The following EVI5 variants were observed in gnomAD, a reference collection of about 807,000 sequenced individuals.
The protein encoded by EVI5 is ecotropic viral integration site 5, also known as ecotropic viral integration site 5 protein homolog.
Under a neutral mutation model 112.0 loss-of-function variants are expected in EVI5, and 73 were observed. The observed-to-expected ratio is 0.65, with a 90% CI of 0.54 to 0.79. EVI5 has a LOEUF of 0.79. EVI5 is among the 30% of genes least tolerant of loss of function. The probability of loss-of-function intolerance (pLI) is 0.00; values close to 1 mark genes in which losing one functional copy is unlikely to be tolerated. For synonymous variants in EVI5, 305 were observed against 319.9 expected (o/e 0.95, Z 0.50); for missense variants, 900 against 968.8 (o/e 0.93, Z 0.94).
At chr1:92,683,893 G>A (rs1013620165) in intron 9 of EVI5, among the ~76,000 whole-genome samples, 1 of 152,130 alleles carries the variant, frequency 6.6e-6, no homozygotes, top group African/African-American at 2.4e-5. Flanking sequence ...CAAGAAATAT[G>A]GGAGTATGTG....
At chr1:92,643,922 AG>A (rs769624815) in intron 13 of EVI5, among the ~76,000 whole-genome samples, 9 of 31,140 alleles carry the variant, frequency 2.9e-4, no homozygotes, top group Admixed American at 9.2e-4. Flanking sequence ...AAAGAAAAAA[AG>A]AGAAAGATTC....
chr1:92,632,008 C>G (rs185060295), intron 14 of EVI5, among the ~76,000 whole-genome samples: 387 of 151,154 alleles, frequency 2.6e-3, no homozygotes, highest in Non-Finnish European at 3.1e-3. Context: ...GTTGAACCAG[C>G]CTTGCATCCC....
At chr1:92,549,524 T>C (rs1666413611) in intron 19 of EVI5, among the ~76,000 whole-genome samples, 1 of 151,818 alleles carries the variant, frequency 6.6e-6, no homozygotes, top group African/African-American at 2.4e-5. Flanking sequence ...AAAGAGCTTC[T>C]GCACAGCAAA....
intron 8 of EVI5, 46 bp from the exon 9 acceptor site, chr1:92,693,945 T>C (rs1274748828): frequency 8.9e-7 from 1 of 1,127,952 alleles, no homozygotes; most frequent in Admixed American, 2.0e-5. Flanking sequence ...TTAGTGCTGT[T>C]AATAGTGAAA....
intron 13 of EVI5, among the ~76,000 whole-genome samples, chr1:92,647,784 G>A (rs1390784092): frequency 4.0e-5 from 6 of 151,728 alleles, no homozygotes; most frequent in African/African-American, 1.5e-4. Context: ...CTGTCGCCCA[G>A]GCTGGAGTGC....
intron 9 of EVI5, among the ~76,000 whole-genome samples, chr1:92,679,924 A>G (rs1400820454): frequency 6.6e-6 from 1 of 152,154 alleles, no homozygotes; most frequent in African/African-American, 2.4e-5. Context: ...GAACATCACT[A>G]TTGATGTTGA....
At chr1:92,699,965 A>AT (rs1670898259) in intron 5 of EVI5, among the ~76,000 whole-genome samples, 1 of 152,082 alleles carries the variant, frequency 6.6e-6, no homozygotes, top group Non-Finnish European at 1.5e-5. Context: ...CTAGAGGAGA[A>AT]TTTTTTTTAA....
At chr1:92,587,213 G>A (rs1349857664) in intron 18 of EVI5, among the ~76,000 whole-genome samples, 1 of 152,024 alleles carries the variant, frequency 6.6e-6, no homozygotes, top group African/African-American at 2.4e-5. Flanking sequence ...AGGTAAAGCA[G>A]TCTATGTACG....
chr1:92,775,093 A>G (rs1375156227), intron 1 of EVI5, among the ~76,000 whole-genome samples: 1 of 152,216 alleles, frequency 6.6e-6, no homozygotes, highest in Non-Finnish European at 1.5e-5. Flanking sequence ...ACAGTCATGC[A>G]CCGCATAAGA....
At chr1:92,711,399 T>G (rs1355733222) in intron 2 of EVI5, among the ~76,000 whole-genome samples, 1 of 152,204 alleles carries the variant, frequency 6.6e-6, no homozygotes, top group African/African-American at 2.4e-5. Flanking sequence ...CAACAGCAAC[T>G]GGTCAACATG....
In EVI5 at chr1:92,567,063, G is replaced by A. The variant is rs373471352; in HGVS notation, c.2071-3326C>T. 4.6e-5 allele frequency among the ~76,000 whole-genome samples: 7 copies of A among 152,056 alleles called. 1 individual carries two copies. In the South Asian group the frequency reaches 1.5e-3, roughly 32 times the overall value. On this transcript the variant is annotated intron_variant, in intron 18 of 19. Coordinates refer to ENST00000684568, the MANE Select transcript of EVI5 (RefSeq NM_001350197.2). ...CTCAAGTGTTCCGCCCACCCGCCTTGGCCTCCCAAAGTGCTGGGATTTACA... is the reference window on the plus strand; with the variant it reads ...CTCAAGTGTTCCGCCCACCCGCCTTAGCCTCCCAAAGTGCTGGGATTTACA...
intron 13 of EVI5, among the ~76,000 whole-genome samples, chr1:92,638,397 T>C (rs1480359561): frequency 1.4e-5 from 2 of 143,796 alleles, no homozygotes; most frequent in Non-Finnish European, 3.2e-5. Context: ...ACGTATTATG[T>C]AAATTTTTTT....
At chr1:92,578,305 G>A (rs138075799) in intron 18 of EVI5, among the ~76,000 whole-genome samples, 1,922 of 152,248 alleles carry the variant, frequency 0.013, 48 homozygotes, top group African/African-American at 0.044. Context: ...ACTAAAGTGT[G>A]GAGAAATTCT....
At chr1:92,702,117 C>T (rs1409828118) in intron 5 of EVI5, 24 bp downstream of exon 5, 1 of 1,211,568 alleles carries the variant, frequency 8.3e-7, no homozygotes, top group Non-Finnish European at 1.2e-6. Flanking sequence ...TTTCATTGGA[C>T]ATTTAATACT....
chr1:92,635,327 C>T (rs961342512), intron 14 of EVI5, among the ~76,000 whole-genome samples: 2 of 152,214 alleles, frequency 1.3e-5, no homozygotes, highest in African/African-American at 2.4e-5. Flanking sequence ...TGGGCTCCAC[C>T]CAGTTGGAGC....
intron 18 of EVI5, among the ~76,000 whole-genome samples, chr1:92,572,815 C>T (rs1670512006): frequency 6.6e-6 from 1 of 151,954 alleles, no homozygotes; most frequent in South Asian, 2.1e-4. Context: ...TTATTCTGGA[C>T]ACTATGATAT....
intron 18 of EVI5, among the ~76,000 whole-genome samples, chr1:92,604,325 G>A (rs1474504911): frequency 1.5e-4 from 22 of 151,490 alleles, no homozygotes; most frequent in Non-Finnish European, 2.8e-4. Context: ...ACTAAACTCC[G>A]GTCTGGGCAA....
intron 18 of EVI5, among the ~76,000 whole-genome samples, chr1:92,590,305 T>C (rs988840434): frequency 3.0e-4 from 45 of 152,102 alleles, no homozygotes; most frequent in Admixed American, 2.3e-3. Flanking sequence ...CTTCAGACGA[T>C]CGAACTACTC....
At chr1:92,681,499 A>G (rs1209209278) in intron 9 of EVI5, among the ~76,000 whole-genome samples, 1 of 152,180 alleles carries the variant, frequency 6.6e-6, no homozygotes, top group Non-Finnish European at 1.5e-5. Context: ...GCTAAGATTC[A>G]ACTCTTACAA....
Sources: allele counts gnomAD v4.1 joint callset (sites outside exome capture counted in the v4.1 genomes callset), GRCh38; gene constraint gnomAD v4.1.1; transcripts MANE v1.5; gene names NCBI Gene and HGNC (gene_info 2026-07-23, HGNC 2026-07-21).